Variants in IL1RAP observed in about 807,000 individuals in gnomAD.
IL1RAP encodes the protein interleukin-1 receptor accessory protein.
In IL1RAP, 35 loss-of-function variants were observed where a neutral mutation model predicts 60.7. That is an observed-to-expected ratio of 0.58 (90% CI 0.44 to 0.76). IL1RAP has a LOEUF of 0.76. Among genes scored for constraint, IL1RAP ranks in the 30% least tolerant of loss-of-function variants. IL1RAP has a pLI of 0.00. For missense variants in IL1RAP, 572 were observed against 693.9 expected (o/e 0.82, Z 1.97); for synonymous variants, 268 against 250.9 (o/e 1.07, Z -0.64).
At chr3:190,538,811 A>T (rs1196566175) in intron 1 of IL1RAP, among the ~76,000 whole-genome samples, 2 of 151,986 alleles carry the variant, frequency 1.3e-5, no homozygotes, top group South Asian at 2.1e-4. Context: ...CTTTCTTGTG[A>T]TAGCAAGTGA....
At chr3:190,532,942 T>G (rs1447469210) in intron 1 of IL1RAP, among the ~76,000 whole-genome samples, 2 of 152,230 alleles carry the variant, frequency 1.3e-5, no homozygotes, top group African/African-American at 4.8e-5. Flanking sequence ...TGATAGTTCC[T>G]TCTGTTTTAA....
chr3:190,625,213 T>G (rs1054913884), intron 7 of IL1RAP: 1 of 152,212 alleles, frequency 6.6e-6, no homozygotes, highest in Non-Finnish European at 1.5e-5. Flanking sequence ...ATCCTTCTTA[T>G]TATTTCTATT....
chr3:190,625,474 A>G (rs555720322), intron 7 of IL1RAP, among the ~76,000 whole-genome samples: 10 of 152,282 alleles, frequency 6.6e-5, no homozygotes, highest in Non-Finnish European at 1.0e-4. Flanking sequence ...GAAAAAAATA[A>G]ATCAATTAAA....
chr3:190,573,147 G>T (rs867636315), intron 3 of IL1RAP, among the ~76,000 whole-genome samples: 5 of 52,638 alleles, frequency 9.5e-5, no homozygotes, highest in Non-Finnish European at 1.8e-4. Flanking sequence ...ACAGGCGTGA[G>T]AATGCTTTGT....
At chr3:190,655,945 C>T, downstream of IL1RAP, 1 of 1,537,308 alleles carries the variant, frequency 6.5e-7, no homozygotes, top group South Asian at 1.2e-5. Context: ...GATTGTTGTT[C>T]TGAGCCCTGA....
At chr3:190,609,324 G>A (rs528706100) in intron 5 of IL1RAP, 143 bp downstream of exon 5, 88 of 555,176 alleles carry the variant, frequency 1.6e-4, no homozygotes, top group African/African-American at 9.7e-4. Flanking sequence ...AAGTATTTCA[G>A]CACGTCCTCA....
intron 1 of IL1RAP, among the ~76,000 whole-genome samples, chr3:190,522,400 T>C (rs78770723): frequency 4.6e-5 from 5 of 108,406 alleles, no homozygotes; most frequent in African/African-American, 2.6e-4. Context: ...TCTTTCTATG[T>C]ATCTATCTAT....
At chr3:190,648,191 A>G in intron 11 of IL1RAP, 147 bp from the exon 12 acceptor site, 1 of 964,474 alleles carries the variant, frequency 1.0e-6, no homozygotes, top group Non-Finnish European at 1.6e-6. Flanking sequence ...AGGTATAAGG[A>G]TTAAGTTGTT....
chr3:190,537,360 T>C (rs572951226), intron 1 of IL1RAP, among the ~76,000 whole-genome samples: 1 of 152,312 alleles, frequency 6.6e-6, no homozygotes, highest in Non-Finnish European at 1.5e-5. Context: ...TTCCTTTACA[T>C]GCAGGCAGCT....
chr3:190,609,319 T>C, intron 5 of IL1RAP, 138 bp downstream of exon 5: 1 of 563,244 alleles, frequency 1.8e-6, no homozygotes, highest in Non-Finnish European at 3.0e-6. Flanking sequence ...TATGGAAGTA[T>C]TTCAGCACGT....
intron 9 of IL1RAP, chr3:190,644,013 CAA>C (rs1477301137): frequency 7.8e-6 from 3 of 386,834 alleles, no homozygotes; most frequent in African/African-American, 4.4e-5. Flanking sequence ...TATATATTGT[CAA>C]AGACTATTCA....
intron 1 of IL1RAP, among the ~76,000 whole-genome samples, chr3:190,544,349 G>A (rs765251003): frequency 2.0e-5 from 3 of 152,164 alleles, no homozygotes; most frequent in Non-Finnish European, 4.4e-5. Context: ...TAGCTACACT[G>A]GTGGAGCATA....
chr3:190,562,178 C>G (rs1293968429), intron 2 of IL1RAP, among the ~76,000 whole-genome samples: 2 of 152,184 alleles, frequency 1.3e-5, no homozygotes, highest in Non-Finnish European at 2.9e-5. Flanking sequence ...GCATTATTCT[C>G]CACTGAAAGT....
At chr3:190,585,810 T>A (rs1253452594) in intron 3 of IL1RAP, among the ~76,000 whole-genome samples, 2 of 150,452 alleles carry the variant, frequency 1.3e-5, no homozygotes, top group African/African-American at 4.9e-5. Context: ...AGACTCCAAC[T>A]CCAAAAAAAA....
chr3:190,562,371 G>GTT (rs143025287), intron 2 of IL1RAP, among the ~76,000 whole-genome samples: 2 of 147,402 alleles, frequency 1.4e-5, no homozygotes, highest in African/African-American at 4.9e-5. Context: ...ATTGCAGGGG[G>GTT]TTTTTTTTTT....
Position 190,582,137 on chromosome 3 carries a change from A to T in IL1RAP, c.64+17784A>T, listed in dbSNP as rs373665934. 2.0e-5 allele frequency among the ~76,000 whole-genome samples: 3 copies of T among 152,272 alleles called. No individual in the cohort carries two copies. In the East Asian group the frequency reaches 5.8e-4, roughly 29 times the overall value. On this transcript the variant is annotated intron_variant, in intron 3 of 11. Transcript: ENST00000447382. ...TTAATTTGCTTAGTTCTTGACTCTA[A>T]CAAGCTAGCATTCTGTAGTTTGAGA...
intron 1 of IL1RAP, chr3:190,518,794 A>G (rs1253080053): frequency 6.6e-6 from 1 of 152,236 alleles, no homozygotes; most frequent in Non-Finnish European, 1.5e-5. Context: ...CGAGAATAGC[A>G]TGGGACAGAC....
At chr3:190,653,301 G>C (rs964122133), downstream of IL1RAP, among the ~76,000 whole-genome samples, 14 of 152,160 alleles carry the variant, frequency 9.2e-5, no homozygotes, top group African/African-American at 3.1e-4. Flanking sequence ...AATGTGTACT[G>C]TGTGCTAGAA....
Position 190,624,927 on chromosome 3 carries a change from G to A in IL1RAP, c.775+1512G>A, listed in dbSNP as rs114690879. The A allele has an allele frequency of 7.9e-3, 1,354 of 172,142 alleles. 19 individuals carry two copies. Among genetic ancestry groups the A allele is most frequent in the African/African-American group, 0.03 (1,265 of 41,924 alleles). The allele number at this position is 172,142 out of a possible 1,614,324, so 10.7% of individuals were successfully genotyped here. ...TCGGACATGCACGCAGTTGCCAGGCGGGTCAAGTGGCAGTAACTTGAGGGT... is the reference window on the plus strand; with the variant it reads ...TCGGACATGCACGCAGTTGCCAGGCAGGTCAAGTGGCAGTAACTTGAGGGT... On this transcript the variant is annotated intron_variant, in intron 7 of 11. Coordinates refer to ENST00000447382, the MANE Select transcript of IL1RAP (RefSeq NM_002182.4).
Sources: gnomAD v4.1 joint callset for allele counts (sites outside exome capture counted in the v4.1 genomes callset) on GRCh38, gnomAD v4.1.1 for gene constraint, MANE v1.5 for transcripts, NCBI Gene and HGNC (gene_info 2026-07-23, HGNC 2026-07-21) for gene names.